Variants in TRMT2B observed in about 807,000 individuals in gnomAD.
The protein encoded by TRMT2B is tRNA (uracil-5-)-methyltransferase homolog B.
Under a neutral mutation model 39.7 loss-of-function variants are expected in TRMT2B, and 34 were observed. That is an observed-to-expected ratio of 0.86 (90% confidence interval 0.65 to 1.14). TRMT2B has a LOEUF of 1.14. Ranked by LOEUF, TRMT2B falls within the 50% of genes most tolerant of loss-of-function variation. The pLI is 0.00. For missense variants in TRMT2B, 318 were observed against 377.2 expected (o/e 0.84, Z 1.30); for synonymous variants, 132 against 137.3 (o/e 0.96, Z 0.27).
chrX:101,032,327 C>A (rs1457196602), intron 7 of TRMT2B, among the ~76,000 whole-genome samples: 1 of 106,615 alleles, frequency 9.4e-6, no homozygotes, highest in African/African-American at 3.4e-5. Context: ...GTGGCTCACA[C>A]CTGTAATCCC....
chrX:100,994,498 A>G, the TRMT2B span, among the ~76,000 whole-genome samples: 1 of 111,576 alleles, frequency 9.0e-6, no homozygotes, highest in African/African-American at 3.3e-5. Context: ...GAATAGGTAG[A>G]GAGGTCCTTC....
chrX:101,029,423 A>AAAATT (rs1280111193), intron 7 of TRMT2B, among the ~76,000 whole-genome samples: 5 of 111,320 alleles, frequency 4.5e-5, no homozygotes, highest in East Asian at 2.8e-4. Context: ...AGTAATAATT[A>AAAATT]AAATTAAATT....
chrX:101,030,222 T>A (rs1569481239), intron 7 of TRMT2B, among the ~76,000 whole-genome samples: 1 of 110,688 alleles, frequency 9.0e-6, no homozygotes, highest in Non-Finnish European at 1.9e-5. Context: ...ATCACACCAC[T>A]ACACTCCATC....
chrX:101,050,227 A>G (rs2088975144), intron 2 of TRMT2B, among the ~76,000 whole-genome samples: 1 of 111,591 alleles, frequency 9.0e-6, no homozygotes, highest in Admixed American at 9.6e-5. Flanking sequence ...ATGGTTTAAA[A>G]CAGGACCTTA....
chrX:101,043,717 T>G (rs999062472), intron 2 of TRMT2B: 2 of 111,409 alleles, frequency 1.8e-5, no homozygotes, highest in African/African-American at 6.5e-5. Flanking sequence ...AGAAACTGAG[T>G]CTTAAAGGAT....
intron 2 of TRMT2B, among the ~76,000 whole-genome samples, chrX:101,050,335 T>C (rs921611444): frequency 8.1e-5 from 9 of 111,606 alleles, no homozygotes; most frequent in Non-Finnish European, 1.5e-4. Context: ...AGCACACTCA[T>C]ACTAGTCAAG....
chrX:101,029,968 G>A (rs2087343914), intron 7 of TRMT2B, among the ~76,000 whole-genome samples: 1 of 111,693 alleles, frequency 9.0e-6, no homozygotes, highest in Admixed American at 9.6e-5. Context: ...ATGCAAAACT[G>A]GCAAATGTTG....
chrX:101,015,408 C>T (rs575716361), intron 13 of TRMT2B, among the ~76,000 whole-genome samples: 2 of 111,707 alleles, frequency 1.8e-5, no homozygotes, highest in South Asian at 7.5e-4. Context: ...ATTATTTTCC[C>T]ATATTATTAC....
intron 12 of TRMT2B, 98 bp downstream of exon 12, chrX:101,019,186 G>C: frequency 8.6e-7 from 1 of 1,159,528 alleles, no homozygotes. Flanking sequence ...AACAGGTTCA[G>C]AGCCAGCCCA....
At chrX:100,980,372 C>T in the TRMT2B span, among the ~76,000 whole-genome samples, 15 of 109,289 alleles carry the variant, frequency 1.4e-4, no homozygotes, top group Non-Finnish European at 2.7e-4. Flanking sequence ...CCACCACAGC[C>T]CCAAGCCCAT....
At chrX:101,042,957 C>T (rs996658800) in intron 2 of TRMT2B, among the ~76,000 whole-genome samples, 1 of 111,763 alleles carries the variant, frequency 8.9e-6, no homozygotes. Flanking sequence ...TGCACTACCA[C>T]ACCATTCTTT....
intron 13 of TRMT2B, among the ~76,000 whole-genome samples, chrX:101,013,486 T>A (rs1325571315): frequency 1.8e-5 from 2 of 110,756 alleles, no homozygotes; most frequent in Admixed American, 9.7e-5. Flanking sequence ...GTGCGGTGGC[T>A]CACACCTGTA....
chrX:101,019,313 G>A lies in TRMT2B; in HGVS notation c.1259C>T (p.Ala420Val), dbSNP rs745720654. The A allele has an allele frequency of 1.1e-5, 13 of 1,211,738 alleles. No individual in the cohort carries two copies. Among genetic ancestry groups the A allele is most frequent in the Non-Finnish European group, 1.5e-5 (13 of 895,501 alleles). The change falls in exon 12 of 14, where the codon GCT becomes GTT. Residue 420 changes from alanine (A) to valine (V), a missense_variant. Coordinates refer to ENST00000372936, the MANE Select transcript of TRMT2B (RefSeq NM_024917.6). ...TCCGGCACGGGCTGGGTTCACCACA[G>A]CAACAATTGACTGTCCATCTTCCTT... ...KSKEDGQSIV[A>V]VVNPARAGLH...
intron 2 of TRMT2B, chrX:101,043,422 T>C (rs1010195317): frequency 6.3e-5 from 7 of 110,554 alleles, no homozygotes; most frequent in Non-Finnish European, 1.3e-4. Context: ...ATACAAACAT[T>C]AGCCGGGTAT....
Position 101,019,449 on chromosome X carries a change from G to C in TRMT2B, c.1169-46C>G, listed in dbSNP as rs745763931. 11 of 1,203,440 alleles carry C rather than the reference G, an allele frequency of 9.1e-6. No individual in the cohort carries two copies. In the South Asian group the frequency reaches 1.6e-4, roughly 18 times the overall value. On this transcript the variant is annotated intron_variant, in intron 11 of 13. Transcript: ENST00000372936. ...GGACATAACTCAAGCCCAGCAGTAA[G>C]GGAAAGCTTCAGCTTCACAGAAACG...
chrX:101,022,011 G>A lies in TRMT2B; in HGVS notation c.808C>T (p.Pro270Ser). Residue 270 changes from proline to serine, a missense_variant, in exon 9 of 14, where the codon CCT (proline) becomes TCT (serine). Transcript: ENST00000372936. ...EIVKEFFIRG[P>S]GAACGLTSLY... The stretch of plus-strand genomic sequence containing the variant: ...GAGGTCAAGCCACAGGCTGCTCCAG[G>A]ACCTCTGATGAAAAATTCCTTTACA... 10 of 1,210,764 alleles carry A rather than the reference G, an allele frequency of 8.3e-6. No individual in the cohort carries two copies. The highest frequency in any genetic ancestry group is 1.1e-5 in the Non-Finnish European group (10 of 894,706).
the TRMT2B span, chrX:100,973,558 A>T: frequency 1.1e-6 from 1 of 928,933 alleles, no homozygotes. Flanking sequence ...GAAGTAATAG[A>T]CTTCTAACAA....
the TRMT2B span, among the ~76,000 whole-genome samples, chrX:100,975,594 G>A: frequency 9.2e-6 from 1 of 108,843 alleles, no homozygotes; most frequent in African/African-American, 3.4e-5. Flanking sequence ...CCCCCATTCC[G>A]CCATTCACCT....
At position 101,023,520 on chromosome X, in the gene TRMT2B, G is replaced by T; in HGVS notation, c.706C>A (p.Gln236Lys). The T allele has an allele frequency of 8.3e-7, 1 of 1,210,438 alleles. No homozygotes were observed. The highest frequency in any genetic ancestry group is 1.1e-6 in the Non-Finnish European group (1 of 894,417). ...WRELTVRTNS[Q>K]GHTMAIITFH... Reference sequence around the variant, plus strand: ...GTGATGATAGCCATTGTGTGCCCTTGGCTATTGGTGCGGACTGTGAGCTCA... The same window carrying T: ...GTGATGATAGCCATTGTGTGCCCTTTGCTATTGGTGCGGACTGTGAGCTCA... The change falls in exon 8 of 14, where the codon CAA (glutamine) becomes AAA (lysine). Residue 236 changes from glutamine (Q) to lysine (K), a missense_variant. Transcript: ENST00000372936.
Sources: allele counts gnomAD v4.1 joint callset (sites outside exome capture counted in the v4.1 genomes callset), GRCh38; gene constraint gnomAD v4.1.1; transcripts MANE v1.5; gene names NCBI Gene and HGNC (gene_info 2026-07-23, HGNC 2026-07-21).